Variants in PODXL2 observed in about 807,000 individuals in gnomAD.
PODXL2 encodes the protein podocalyxin like 2.
A neutral mutation model predicts 53.4 loss-of-function variants in PODXL2; 17 were observed. That is an observed-to-expected ratio of 0.32 (90% CI 0.22 to 0.48). The LOEUF is 0.48. PODXL2 is among the 20% of genes least tolerant of loss of function. The pLI, the probability that PODXL2 is intolerant of heterozygous loss-of-function variation, is 0.99. For missense variants in PODXL2, 673 were observed against 760.0 expected, an observed-to-expected ratio of 0.89 and a Z score of 1.35; for synonymous variants, 311 against 306.7, an observed-to-expected ratio of 1.01 and a Z score of -0.15.
Position 127,643,110 on chromosome 3 carries a change from T to A in PODXL2, c.349+3587T>A, listed in dbSNP as rs777164691. On this transcript the variant is annotated intron_variant, in intron 2 of 7. Coordinates refer to ENST00000342480, the MANE Select transcript of PODXL2 (RefSeq NM_015720.4). ...CAAATCTGAAAAAGGATACTAACTTTCCTCTGACATACGTAGAAAACATTT... is the reference window on the plus strand; with the variant it reads ...CAAATCTGAAAAAGGATACTAACTTACCTCTGACATACGTAGAAAACATTT... Among the ~76,000 whole-genome samples the A allele has an allele frequency of 4.6e-5, 7 of 152,358 alleles. No individual in the cohort carries two copies. The South Asian group carries it at 1.0e-3, about 23-fold the overall frequency.
chr3:127,629,363 C>A lies in PODXL2; in HGVS notation c.70+74C>A, dbSNP rs2074526536. Reference sequence around the variant, plus strand: ...CGCGGTGCTGGACAGCTCCCCGGGCCGCCAACAAAGGGGCCAGAGTGCGGC... The same window carrying A: ...CGCGGTGCTGGACAGCTCCCCGGGCAGCCAACAAAGGGGCCAGAGTGCGGC... On this transcript the variant is annotated intron_variant, in intron 1 of 7. Coordinates refer to ENST00000342480, the MANE Select transcript of PODXL2 (RefSeq NM_015720.4). The surrounding 1 kb of genome is among the most constrained non-coding windows in gnomAD (Gnocchi z 6.4). 3.0e-6 allele frequency: 3 copies of A among 996,914 alleles called. No individual in the cohort carries two copies. The highest frequency in any genetic ancestry group is 3.6e-6 in the Non-Finnish European group (3 of 837,558). 61.8% of individuals were successfully genotyped at this position (996,914 alleles called of 1,614,324 possible).
chr3:127,645,841 G>A (rs1159984870), intron 2 of PODXL2, among the ~76,000 whole-genome samples: 1 of 152,212 alleles, frequency 6.6e-6, no homozygotes, highest in Non-Finnish European at 1.5e-5. Flanking sequence ...GTGCCCCGGA[G>A]CCACAGGCTT....
chr3:127,642,500 A>G (rs2074627552), intron 2 of PODXL2, among the ~76,000 whole-genome samples: 1 of 152,050 alleles, frequency 6.6e-6, no homozygotes, highest in South Asian at 2.1e-4. Flanking sequence ...ATCTCTAGGC[A>G]CAGTGAGACC....
At chr3:127,637,933 C>A (rs1283210132) in intron 1 of PODXL2, among the ~76,000 whole-genome samples, 1 of 152,170 alleles carries the variant, frequency 6.6e-6, no homozygotes, top group African/African-American at 2.4e-5. Context: ...ATAATATTAG[C>A]CCTATTTTTA....
rs562092081 is a variant in PODXL2 at position 127,638,330 on chromosome 3, A to G, written c.71-915A>G. 1.3e-4 allele frequency among the ~76,000 whole-genome samples: 20 copies of G among 152,278 alleles called. No individual in the cohort carries two copies. In the South Asian group the frequency reaches 3.5e-3, roughly 27 times the overall value. On this transcript the variant is annotated intron_variant, in intron 1 of 7. Coordinates refer to ENST00000342480, the MANE Select transcript of PODXL2 (RefSeq NM_015720.4). ...TATTTGCTTGTTTTGGTAAATTAGG[A>G]GAGAGAGAGAATCCAAGATTCTAAA...
chr3:127,656,137 C>T (rs908946999), intron 2 of PODXL2, among the ~76,000 whole-genome samples: 1 of 152,214 alleles, frequency 6.6e-6, no homozygotes, highest in African/African-American at 2.4e-5. Flanking sequence ...AATTTGTAAT[C>T]TAGTGAATCC....
chr3:127,629,234 G>C lies in PODXL2; in HGVS notation c.15G>C (p.Leu5=). 1 of 1,000,008 alleles carries C rather than the reference G, an allele frequency of 1.0e-6. No homozygotes were observed. The highest frequency in any genetic ancestry group is 1.2e-6 in the Non-Finnish European group (1 of 840,230). 61.9% of individuals were successfully genotyped at this position (1,000,008 alleles called of 1,614,324 possible). The change falls in exon 1 of 8, where the codon CTG becomes CTC. Residue 5 remains leucine (L), a synonymous_variant. Transcript: ENST00000342480. This position sits in a 1 kb window ranked among gnomAD's most constrained non-coding sequence, Gnocchi z 6.4. ...ACGGCTACACCATGGGCCGGCTGCT[G>C]CGGGCCGCCCGGCTGCCGCCGCTGC... MGRL[L]RAARLPPLLS...
chr3:127,671,920 C>T (rs2074846247), intron 7 of PODXL2, among the ~76,000 whole-genome samples: 1 of 152,190 alleles, frequency 6.6e-6, no homozygotes, highest in Admixed American at 6.5e-5. Flanking sequence ...GCAGGCCCTG[C>T]GTTGGTGGTG....
chr3:127,643,881 C>T (rs546794701), intron 2 of PODXL2, among the ~76,000 whole-genome samples: 4 of 152,216 alleles, frequency 2.6e-5, no homozygotes, highest in African/African-American at 9.6e-5. Context: ...TCAAGCAATC[C>T]ACCTGCCTCA....
intron 2 of PODXL2, among the ~76,000 whole-genome samples, chr3:127,641,640 A>C (rs905351652): frequency 6.6e-6 from 1 of 151,018 alleles, no homozygotes; most frequent in Non-Finnish European, 1.5e-5. Flanking sequence ...CAGCCTCCTG[A>C]GTAGCTGGGA....
rs1455205223 is a variant in PODXL2, at chr3:127,639,424, G to A, written c.250G>A (p.Glu84Lys). The A allele has an allele frequency of 3.7e-6, 6 of 1,614,244 alleles. No individual in the cohort carries two copies. The highest frequency in any genetic ancestry group is 1.7e-5 in the Admixed American group (1 of 60,036). Residue 84 changes from glutamate to lysine, a missense_variant, in exon 2 of 8, where the codon GAA becomes AAA. Physicochemically the swap from Glu to Lys is moderately conservative, Grantham distance 56. Transcript: ENST00000342480. ...LGAPGSGFPS[E>K]ENEESRILQP... ...AGCCCCTGGCTCAGGCTTCCCCAGC[G>A]AAGAGAATGAAGAGTCTCGGATTCT...
At chr3:127,635,467 A>G (rs935127579) in intron 1 of PODXL2, among the ~76,000 whole-genome samples, 17 of 152,270 alleles carry the variant, frequency 1.1e-4, no homozygotes, top group African/African-American at 3.6e-4. Context: ...TGGATGGATG[A>G]ATGAATGGAA....
chr3:127,642,697 CAT>C lies in PODXL2; in HGVS notation c.349+3177_349+3178del, dbSNP rs1437567288. Reference sequence around the variant, plus strand: ...TATTTTAACTCATATATGTACAAAACATATGTGTACGTTCATTATATACAGAA... The same window carrying C: ...TATTTTAACTCATATATGTACAAAACATGTGTACGTTCATTATATACAGAA... On this transcript the variant is annotated intron_variant, in intron 2 of 7. Coordinates refer to ENST00000342480, the MANE Select transcript of PODXL2 (RefSeq NM_015720.4). 6.6e-5 allele frequency among the ~76,000 whole-genome samples: 10 copies of C among 152,230 alleles called. No individual in the cohort carries two copies. The East Asian group carries it at 1.2e-3, about 18-fold the overall frequency.
At chr3:127,642,539 G>A (rs1461796803) in intron 2 of PODXL2, among the ~76,000 whole-genome samples, 1 of 152,052 alleles carries the variant, frequency 6.6e-6, no homozygotes, top group Non-Finnish European at 1.5e-5. Context: ...GGAGCCTGCA[G>A]GGAAAGTGGT....
In PODXL2 at chr3:127,652,799, C is replaced by T. The variant is rs368454573; in HGVS notation, c.350-7579C>T. 4.0e-4 allele frequency among the ~76,000 whole-genome samples: 61 copies of T among 152,118 alleles called. No individual in the cohort carries two copies. In the South Asian group the frequency reaches 0.012, roughly 31 times the overall value. On this transcript the variant is annotated intron_variant, in intron 2 of 7. Transcript: ENST00000342480. Reference sequence around the variant, plus strand: ...TTCGTGGAGGGACCCTTCTCCTGAGCCTGAAGTGGATGGGGTAGGAAGGGA... The same window carrying T: ...TTCGTGGAGGGACCCTTCTCCTGAGTCTGAAGTGGATGGGGTAGGAAGGGA...
At chr3:127,670,424 C>CT (rs1222697378) in intron 6 of PODXL2, among the ~76,000 whole-genome samples, 1 of 152,226 alleles carries the variant, frequency 6.6e-6, no homozygotes, top group South Asian at 2.1e-4. Flanking sequence ...GAAGTGTGGG[C>CT]TAACCTTGAC....
rs1482134178 is a variant in PODXL2, at chr3:127,672,575, C to T, written c.*95C>T. 12 of 792,322 alleles carry T rather than the reference C, an allele frequency of 1.5e-5. No individual in the cohort carries two copies. The highest frequency in any genetic ancestry group is 2.2e-5 in the Non-Finnish European group (12 of 547,102). 49.1% of individuals were successfully genotyped at this position (792,322 alleles called of 1,614,324 possible). A position where few individuals can be genotyped will look rare whatever the true frequency, so the allele number is the denominator to read the frequency against. On this transcript the variant is annotated 3_prime_UTR_variant, in exon 8 of 8. Transcript: ENST00000342480. ...GAGCCCGCACCAGCCCCGCGCCTACCCGGGCCGCCCCCGCGGCCTGGCCCT... is the reference window on the plus strand; with the variant it reads ...GAGCCCGCACCAGCCCCGCGCCTACTCGGGCCGCCCCCGCGGCCTGGCCCT...
intron 2 of PODXL2, among the ~76,000 whole-genome samples, chr3:127,643,399 G>A (rs1402820118): frequency 2.0e-5 from 3 of 151,698 alleles, no homozygotes; most frequent in Admixed American, 2.0e-4. Flanking sequence ...TAGTAGAGAT[G>A]GGATTTCACT....
At chr3:127,657,231 T>C (rs959400234) in intron 2 of PODXL2, among the ~76,000 whole-genome samples, 6 of 152,210 alleles carry the variant, frequency 3.9e-5, no homozygotes, top group Admixed American at 3.9e-4. Context: ...CTCTGACTTT[T>C]GGAAAGTCAG....
Sources: gnomAD v4.1 joint callset for allele counts (sites outside exome capture counted in the v4.1 genomes callset) on GRCh38, gnomAD v4.1.1 for gene constraint, Gnocchi (gnomAD v3.1) non-coding constraint, MANE v1.5 for transcripts, NCBI Gene and HGNC (gene_info 2026-07-23, HGNC 2026-07-21) for gene names.